The following SPON1 variants were observed in gnomAD, a reference collection of about 807,000 sequenced individuals.
SPON1 encodes spondin-1.
A neutral mutation model predicts 111.7 loss-of-function variants in SPON1; 52 were observed. That is an observed-to-expected ratio of 0.47 (90% CI 0.37 to 0.59). The LOEUF (loss-of-function observed/expected upper bound fraction) is 0.59, where lower values mean the gene tolerates loss of function less well. Ranked by LOEUF, SPON1 falls within the 20% of genes least tolerant of loss-of-function variation. The pLI is 0.00. For missense variants in SPON1, 957 were observed against 1,068.5 expected (o/e 0.90, Z 1.46); for synonymous variants, 410 against 395.8 (o/e 1.04, Z -0.43).
At chr11:14,151,501 T>C (rs1847787794) in intron 6 of SPON1, among the ~76,000 whole-genome samples, 1 of 152,068 alleles carries the variant, frequency 6.6e-6, no homozygotes, top group Admixed American at 6.6e-5. Flanking sequence ...CAACAAATAA[T>C]TGTCAACATC....
chr11:14,147,763 T>TTTTTTTTAGTGG (rs1847739902), intron 6 of SPON1, among the ~76,000 whole-genome samples: 1 of 149,648 alleles, frequency 6.7e-6, no homozygotes. Context: ...TTTTTTTTTT[T>TTTTTTTTAGTGG]TGAGAGGAGT....
At chr11:14,262,644 C>A in intron 14 of SPON1, 68 bp from the exon 15 acceptor site, 2 of 1,589,656 alleles carry the variant, frequency 1.3e-6, no homozygotes, top group South Asian at 1.1e-5. Context: ...TTGAGATGTT[C>A]AAAGGAGAGC....
intron 6 of SPON1, among the ~76,000 whole-genome samples, chr11:14,227,234 T>C (rs1262706492): frequency 2.0e-5 from 3 of 152,086 alleles, no homozygotes; most frequent in Non-Finnish European, 4.4e-5. Flanking sequence ...CTGGTCTCAA[T>C]CTCCTGGCCT....
At chr11:14,256,817 G>C in intron 10 of SPON1, 125 bp downstream of exon 10, 2 of 722,500 alleles carry the variant, frequency 2.8e-6, no homozygotes, top group Non-Finnish European at 4.6e-6. Context: ...TATCTCTGAG[G>C]ATTTCTCCTC....
At chr11:14,215,214 A>T (rs1221377857) in intron 6 of SPON1, among the ~76,000 whole-genome samples, 2 of 152,104 alleles carry the variant, frequency 1.3e-5, no homozygotes, top group African/African-American at 4.8e-5. Context: ...CACCACACCC[A>T]GCCCACTCTG....
At chr11:14,244,529 A>AG (rs1182514347) in intron 7 of SPON1, among the ~76,000 whole-genome samples, 1 of 151,792 alleles carries the variant, frequency 6.6e-6, no homozygotes, top group African/African-American at 2.4e-5. Flanking sequence ...AAAAAAAAAA[A>AG]AAGAATCCAA....
chr11:14,049,467 G>A (rs1848692823), intron 3 of SPON1, among the ~76,000 whole-genome samples: 1 of 152,178 alleles, frequency 6.6e-6, no homozygotes, highest in Admixed American at 6.5e-5. Context: ...AGCACCTTCA[G>A]ATAAAGTCCA....
chr11:14,113,826 G>C (rs1310149510), intron 5 of SPON1, among the ~76,000 whole-genome samples: 1 of 151,398 alleles, frequency 6.6e-6, no homozygotes, highest in Non-Finnish European at 1.5e-5. Flanking sequence ...GGATGGTCTC[G>C]ATCTCCTGAC....
chr11:14,110,880 C>T (rs1026711938), intron 5 of SPON1, among the ~76,000 whole-genome samples: 2 of 152,230 alleles, frequency 1.3e-5, no homozygotes, highest in African/African-American at 4.8e-5. Flanking sequence ...GTCTAATATT[C>T]ACTGTCACAC....
intron 6 of SPON1, among the ~76,000 whole-genome samples, chr11:14,211,046 G>A (rs1020514360): frequency 6.5e-4 from 99 of 152,128 alleles, no homozygotes; most frequent in Non-Finnish European, 1.1e-3. Flanking sequence ...TGATGCCTCT[G>A]GCTTTGTTCT....
intron 6 of SPON1, among the ~76,000 whole-genome samples, chr11:14,190,618 GCTT>G (rs1241687998): frequency 6.9e-6 from 1 of 144,058 alleles, no homozygotes; most frequent in Non-Finnish European, 1.5e-5. Flanking sequence ...TTCCTCCCTT[GCTT>G]CTTTTCTTTT....
Position 14,195,018 on chromosome 11 carries a change from G to T in SPON1, c.826-48314G>T, listed in dbSNP as rs370415622. 3.6e-4 allele frequency among the ~76,000 whole-genome samples: 55 copies of T among 152,258 alleles called. 2 individuals are homozygous for T. The South Asian group carries it at 0.011, about 29-fold the overall frequency. ...GTTGAAGTCACTGAAATATTGAAAC[G>T]TCTTTAGTGGTGAGCAAGTGGGGTG... On this transcript the variant is annotated intron_variant, in intron 6 of 15. Coordinates refer to ENST00000576479, the MANE Select transcript of SPON1 (RefSeq NM_006108.4).
chr11:14,151,068 C>T (rs187656987), intron 6 of SPON1, among the ~76,000 whole-genome samples: 3 of 152,296 alleles, frequency 2.0e-5, no homozygotes, highest in Non-Finnish European at 4.4e-5. Flanking sequence ...GAGCTGAATC[C>T]GTGCCACCGT....
chr11:14,016,789 G>A (rs782650751), intron 2 of SPON1, among the ~76,000 whole-genome samples: 2 of 152,310 alleles, frequency 1.3e-5, no homozygotes, highest in East Asian at 3.9e-4. Flanking sequence ...CACACTATTG[G>A]TTTCACATTG....
intron 2 of SPON1, among the ~76,000 whole-genome samples, chr11:14,008,379 T>C (rs1264707307): frequency 6.6e-6 from 1 of 152,116 alleles, no homozygotes; most frequent in African/African-American, 2.4e-5. Flanking sequence ...ACCACTGACC[T>C]TGGAGGGCCC....
rs146800273 is a variant in SPON1, at chr11:14,197,925, T to C, written c.826-45407T>C. 8.1e-3 allele frequency among the ~76,000 whole-genome samples: 1,238 copies of C among 152,346 alleles called. 13 individuals carry two copies. Among genetic ancestry groups the C allele is most frequent in the African/African-American group, 0.029 (1,194 of 41,584 alleles). ...TTCCTCAGCTTCCTGATAAGTCTGCTTGTGGCTTTGTTCGTTTCTCTCTCC... is the reference window on the plus strand; with the variant it reads ...TTCCTCAGCTTCCTGATAAGTCTGCCTGTGGCTTTGTTCGTTTCTCTCTCC... On this transcript the variant is annotated intron_variant, in intron 6 of 15. Transcript: ENST00000576479.
In SPON1 at chr11:14,165,074, C is replaced by T. The variant is rs35604343; in HGVS notation, c.825+29506C>T. ...GTGGCTAATGTTAGTCCTACAAAGG[C>T]AATCTAGTCCCCAGGCAAGAAGGAG... On this transcript the variant is annotated intron_variant, in intron 6 of 15. Transcript: ENST00000576479. Among the ~76,000 whole-genome samples, 734 of 152,258 alleles carry T rather than the reference C, an allele frequency of 4.8e-3. 9 individuals are homozygous for T. Among genetic ancestry groups the T allele is most frequent in the African/African-American group, 0.016 (679 of 41,556 alleles).
At chr11:14,080,109 A>G in intron 5 of SPON1, 88 bp downstream of exon 5, 1 of 1,497,534 alleles carries the variant, frequency 6.7e-7, no homozygotes, top group East Asian at 2.3e-5. Flanking sequence ...GCAGCATGTC[A>G]GATCTGCTCC....
At chr11:13,980,578 A>G (rs1848136556) in intron 1 of SPON1, among the ~76,000 whole-genome samples, 1 of 152,138 alleles carries the variant, frequency 6.6e-6, no homozygotes, top group African/African-American at 2.4e-5. Context: ...GTTTTAGGGT[A>G]CATGTGCACA....
Sources: gnomAD v4.1 joint callset for allele counts (sites outside exome capture counted in the v4.1 genomes callset) on GRCh38, gnomAD v4.1.1 for gene constraint, MANE v1.5 for transcripts, NCBI Gene and HGNC (gene_info 2026-07-23, HGNC 2026-07-21) for gene names.